Variants in DOCK10 observed in about 807,000 individuals in gnomAD.
DOCK10 encodes the protein dedicator of cytokinesis 10, also known as dedicator of cytokinesis protein 10.
In DOCK10, 145 loss-of-function variants were observed where a neutral mutation model predicts 280.1. That is an observed-to-expected ratio of 0.52 (90% CI 0.45 to 0.59). DOCK10 has a LOEUF of 0.59. Among genes scored for constraint, DOCK10 ranks in the 20% least tolerant of loss-of-function variants. The pLI, the probability that DOCK10 is intolerant of heterozygous loss-of-function variation, is 0.00. For synonymous variants in DOCK10, 915 were observed against 942.2 expected (o/e 0.97, Z 0.53); for missense variants, 2,368 against 2,651.7 (o/e 0.89, Z 2.35).
At chr2:225,026,075 C>T (rs995182329) in intron 1 of DOCK10, among the ~76,000 whole-genome samples, 2 of 151,942 alleles carry the variant, frequency 1.3e-5, no homozygotes, top group Middle Eastern at 3.4e-3. Context: ...AAGCAGGAGC[C>T]GAACAAGAAG....
chr2:224,892,490 C>A (rs1699754890), intron 4 of DOCK10, among the ~76,000 whole-genome samples: 1 of 150,298 alleles, frequency 6.7e-6, no homozygotes, highest in Admixed American at 6.6e-5. Context: ...GATGAGTGAT[C>A]CTTGTGGAAA....
chr2:224,916,847 A>G, intron 2 of DOCK10, 63 bp from the exon 3 acceptor site: 2 of 1,230,714 alleles, frequency 1.6e-6, no homozygotes, highest in South Asian at 1.3e-5. Context: ...AGACCAGCAC[A>G]CTGAACACAC....
At chr2:224,873,068 A>G (rs1698389230) in intron 11 of DOCK10, among the ~76,000 whole-genome samples, 1 of 152,220 alleles carries the variant, frequency 6.6e-6, no homozygotes, top group African/African-American at 2.4e-5. Flanking sequence ...GAACTCACAC[A>G]AATATCAGTG....
intron 1 of DOCK10, among the ~76,000 whole-genome samples, chr2:224,978,542 T>A (rs1301659803): frequency 1.3e-5 from 2 of 152,068 alleles, no homozygotes; most frequent in African/African-American, 4.8e-5. Flanking sequence ...TGTCTACCAG[T>A]GAGATAAGAA....
chr2:224,824,429 C>CTTT lies in DOCK10; in HGVS notation c.3037-785_3037-783dup, dbSNP rs869275800. ...CCGAGTTCTTCCATCTCAGACTCTG[C>CTTT]TTTTTTTTTTTTTTTTTTTTTTTTG... On this transcript the variant is annotated intron_variant, in intron 27 of 55. Coordinates refer to ENST00000258390, the MANE Select transcript of DOCK10 (RefSeq NM_014689.3). Among the ~76,000 whole-genome samples the CTTT allele has an allele frequency of 4.6e-3, 290 of 63,504 alleles. 11 individuals are homozygous for CTTT. Among genetic ancestry groups the CTTT allele is most frequent in the African/African-American group, 0.016 (218 of 13,730 alleles). The allele number at this position is 63,504 out of a possible 152,430, so 41.7% of individuals were successfully genotyped here. A position where few individuals can be genotyped will look rare whatever the true frequency, so the allele number is the denominator to read the frequency against.
chr2:224,844,193 C>T lies in DOCK10; in HGVS notation c.2568+560G>A, dbSNP rs748045102. 1.4e-4 allele frequency among the ~76,000 whole-genome samples: 22 copies of T among 152,288 alleles called. No homozygotes were observed. In the East Asian group the frequency reaches 3.3e-3, roughly 23 times the overall value. On this transcript the variant is annotated intron_variant, in intron 22 of 55. Coordinates refer to ENST00000258390, the MANE Select transcript of DOCK10 (RefSeq NM_014689.3). ...TTGCCCAGGCTGGAGTGCAATGGCA[C>T]GATCTCAGCTCAACGCAACCTCTGC...
intron 44 of DOCK10, among the ~76,000 whole-genome samples, chr2:224,796,090 GCT>G (rs1230905507): frequency 6.6e-6 from 1 of 151,696 alleles, no homozygotes; most frequent in Non-Finnish European, 1.5e-5. Flanking sequence ...ACAAGGTCTT[GCT>G]CTGTTACCCA....
intron 11 of DOCK10, among the ~76,000 whole-genome samples, chr2:224,872,922 A>T (rs1297054034): frequency 2.6e-5 from 4 of 151,942 alleles, no homozygotes; most frequent in Non-Finnish European, 5.9e-5. Context: ...ATCAAGATTG[A>T]TATAGAATTA....
In DOCK10 at chr2:224,793,025, C is replaced by T. The variant is rs143123328; in HGVS notation, c.5260G>A (p.Asp1754Asn). 6.2e-7 allele frequency: 1 copy of T among 1,613,718 alleles called. No individual in the cohort carries two copies. The highest frequency in any genetic ancestry group is 2.2e-5 in the East Asian group (1 of 44,860). ...GAGTTGCTATCACAGGGGTGGGTAT[C>T]CTCCGAGAGCAGGGATGCTGTGCAA... ...KICTASLLSE[D>N]THPCDSNSLL... Residue 1754 changes from aspartate to asparagine, a missense_variant, in exon 47 of 56, where the codon GAT (aspartate) becomes AAT (asparagine). Asp to Asn is a conservative substitution (Grantham distance 23, BLOSUM62 1). Transcript: ENST00000258390.
At chr2:224,926,139 G>A (rs1257121515) in intron 2 of DOCK10, among the ~76,000 whole-genome samples, 1 of 152,182 alleles carries the variant, frequency 6.6e-6, no homozygotes, top group Non-Finnish European at 1.5e-5. Context: ...GAATCATTAG[G>A]ACACATGTAG....
chr2:225,015,310 G>T (rs977381417), intron 1 of DOCK10, among the ~76,000 whole-genome samples: 6 of 152,132 alleles, frequency 3.9e-5, no homozygotes. Context: ...TGCAGTTTAG[G>T]TGACTGAACT....
intron 50 of DOCK10, among the ~76,000 whole-genome samples, chr2:224,780,551 C>T (rs1691250555): frequency 6.6e-6 from 1 of 152,122 alleles, no homozygotes; most frequent in Non-Finnish European, 1.5e-5. Flanking sequence ...AATTTTTCCC[C>T]TGACAAATTT....
At chr2:224,903,071 C>G (rs1353951833) in intron 3 of DOCK10, among the ~76,000 whole-genome samples, 1 of 152,216 alleles carries the variant, frequency 6.6e-6, no homozygotes, top group Non-Finnish European at 1.5e-5. Flanking sequence ...GCTCTCCAGC[C>G]TGGGCGACAG....
chr2:224,951,758 G>A (rs1703741643), intron 1 of DOCK10, among the ~76,000 whole-genome samples: 1 of 152,128 alleles, frequency 6.6e-6, no homozygotes. Flanking sequence ...TCAACAGGGT[G>A]GTATCTCTTT....
At chr2:225,009,173 G>A (rs1237799104) in intron 1 of DOCK10, among the ~76,000 whole-genome samples, 1 of 152,062 alleles carries the variant, frequency 6.6e-6, no homozygotes, top group Non-Finnish European at 1.5e-5. Context: ...CTAAGTAAGG[G>A]GGTCACAGAT....
chr2:224,848,221 A>G (rs1696492227), intron 19 of DOCK10, among the ~76,000 whole-genome samples: 1 of 152,202 alleles, frequency 6.6e-6, no homozygotes, highest in Non-Finnish European at 1.5e-5. Context: ...AAACAGCAAG[A>G]TAACAATTGC....
At position 224,770,751 on chromosome 2, in the gene DOCK10, A is replaced by C; in HGVS notation, c.6205-106T>G. Reference sequence around the variant, plus strand: ...ACCAATGGTGTGGTACCCCCATCTCACACCCTGCCTTCTAGTCCACTCATT... The same window carrying C: ...ACCAATGGTGTGGTACCCCCATCTCCCACCCTGCCTTCTAGTCCACTCATT... On this transcript the variant is annotated intron_variant, in intron 53 of 55. Transcript: ENST00000258390. The surrounding 1 kb of genome is among the most constrained non-coding windows in gnomAD (Gnocchi z 4.5). The C allele has an allele frequency of 2.6e-6, 2 of 762,656 alleles. No individual in the cohort carries two copies. Among genetic ancestry groups the C allele is most frequent in the Non-Finnish European group, 4.5e-6 (2 of 444,152 alleles). 47.2% of individuals were successfully genotyped at this position (762,656 alleles called of 1,614,324 possible).
chr2:224,840,398 TCAAA>T (rs1247220884), intron 23 of DOCK10, among the ~76,000 whole-genome samples: 2 of 151,944 alleles, frequency 1.3e-5, no homozygotes, highest in Non-Finnish European at 2.9e-5. Flanking sequence ...TATAAGGAAC[TCAAA>T]CAACTCAATA....
chr2:224,865,934 A>T (rs1000733019), intron 11 of DOCK10, among the ~76,000 whole-genome samples: 1 of 151,808 alleles, frequency 6.6e-6, no homozygotes. Context: ...GTCACCTATT[A>T]TAACCAGTCT....
Sources: gnomAD v4.1 joint callset for allele counts (sites outside exome capture counted in the v4.1 genomes callset) on GRCh38, gnomAD v4.1.1 for gene constraint, Gnocchi (gnomAD v3.1) non-coding constraint, MANE v1.5 for transcripts, NCBI Gene and HGNC (gene_info 2026-07-23, HGNC 2026-07-21) for gene names.